ZNF667: variants seen among roughly 807,000 people sequenced by gnomAD.
ZNF667 encodes zinc finger protein 667.
A neutral mutation model predicts 31.8 loss-of-function variants in ZNF667; 13 were observed. That is an observed-to-expected ratio of 0.41 (90% CI 0.27 to 0.65). ZNF667 has a LOEUF of 0.65. Ranked by LOEUF, ZNF667 falls within the 30% of genes least tolerant of loss-of-function variation. The probability of loss-of-function intolerance (pLI) is 0.32; values close to 1 mark genes in which losing one functional copy is unlikely to be tolerated. For missense variants in ZNF667, 642 were observed against 725.6 expected, an observed-to-expected ratio of 0.88 and a Z score of 1.32; for synonymous variants, 228 against 247.1, an observed-to-expected ratio of 0.92 and a Z score of 0.73.
At chr19:56,448,152 C>T (rs968278164) in intron 6 of ZNF667, among the ~76,000 whole-genome samples, 3 of 152,036 alleles carry the variant, frequency 2.0e-5, no homozygotes, top group African/African-American at 4.8e-5. Flanking sequence ...AGCATGGCAA[C>T]AAGAGAGAAT....
In ZNF667 at chr19:56,462,416, C is replaced by G; in HGVS notation, c.-46G>C. 1 of 1,612,666 alleles carries G rather than the reference C, an allele frequency of 6.2e-7. No homozygotes were observed. The highest frequency in any genetic ancestry group is 8.5e-7 in the Non-Finnish European group (1 of 1,178,658). On this transcript the variant is annotated 5_prime_UTR_variant, in exon 4 of 7. Transcript: ENST00000504904. ...TCCACACTGAGAGATGGGCAGAGAG[C>G]TGGTAAGGCAGGGCTGTGGGGAGAA... is the stretch of plus-strand genomic sequence containing the variant.
chr19:56,448,041 A>G (rs530921528), intron 6 of ZNF667, among the ~76,000 whole-genome samples: 1 of 152,314 alleles, frequency 6.6e-6, no homozygotes, highest in African/African-American at 2.4e-5. Context: ...CAATCAAAGT[A>G]TCAAGTTTTA....
chr19:56,451,893 A>AAAC (rs2042834794), intron 6 of ZNF667, among the ~76,000 whole-genome samples: 5 of 148,878 alleles, frequency 3.4e-5, no homozygotes, highest in African/African-American at 1.0e-4. Flanking sequence ...AAAAAAAAAA[A>AAAC]AAAAAACTTT....
intron 3 of ZNF667, among the ~76,000 whole-genome samples, chr19:56,463,668 C>CA (rs1345817520): frequency 1.3e-5 from 2 of 152,050 alleles, no homozygotes; most frequent in Non-Finnish European, 2.9e-5. Flanking sequence ...GCTGGGACCA[C>CA]AGGCACCTGC....
chr19:56,441,767 T>G lies in ZNF667; in HGVS notation c.1228A>C (p.Lys410Gln), dbSNP rs1272890137. The change falls in exon 7 of 7, where the codon AAG becomes CAG. Residue 410 changes from lysine to glutamine, a missense_variant. Physicochemically the swap from Lys to Gln is moderately conservative, Grantham distance 53 (BLOSUM62 1). Transcript: ENST00000504904. The surrounding 1 kb of genome is among the most constrained non-coding windows in gnomAD (Gnocchi z 4.2). ...SLIQHQKVHT[K>Q]KKKLFECKEC... ...TTACACTCAAATAGTTTCTTTTTCT[T>G]TGTATGAACTTTCTGATGTTGAATA... 66 of 1,613,950 alleles carry G rather than the reference T, an allele frequency of 4.1e-5. No individual in the cohort carries two copies. The highest frequency in any genetic ancestry group is 5.5e-5 in the Non-Finnish European group (65 of 1,180,020).
Position 56,471,302 on chromosome 19 carries a change from T to C in ZNF667, c.-60+397A>G, listed in dbSNP as rs184574368. Among the ~76,000 whole-genome samples the C allele has an allele frequency of 1.9e-4, 29 of 152,332 alleles. No homozygotes were observed. In the East Asian group the frequency reaches 5.6e-3, roughly 29 times the overall value. Reference sequence around the variant, plus strand: ...GCAGAACCGTGGGCCAATTAAACTTTTCTTTAAAAATTACCAGTCTCAGGT... The same window carrying C: ...GCAGAACCGTGGGCCAATTAAACTTCTCTTTAAAAATTACCAGTCTCAGGT... On this transcript the variant is annotated intron_variant, in intron 3 of 6. Transcript: ENST00000504904.
intron 6 of ZNF667, among the ~76,000 whole-genome samples, chr19:56,456,831 T>C (rs1336277334): frequency 6.6e-6 from 1 of 152,254 alleles, no homozygotes; most frequent in African/African-American, 2.4e-5. Flanking sequence ...TGTTTTTGTC[T>C]TTTCCTTTTT....
intron 6 of ZNF667, among the ~76,000 whole-genome samples, chr19:56,453,875 C>T (rs1042080618): frequency 3.9e-5 from 6 of 152,114 alleles, no homozygotes; most frequent in Non-Finnish European, 8.8e-5. Flanking sequence ...TAAAAGGCAT[C>T]CAAGTTGGAA....
chr19:56,448,982 T>C (rs985943498), intron 6 of ZNF667, among the ~76,000 whole-genome samples: 16 of 152,142 alleles, frequency 1.1e-4, no homozygotes, highest in African/African-American at 3.6e-4. Context: ...ACTCCATTCA[T>C]TCAGGGAAAG....
chr19:56,468,655 T>C (rs1029837058), intron 3 of ZNF667: 1 of 152,254 alleles, frequency 6.6e-6, no homozygotes, highest in Non-Finnish European at 1.5e-5. Context: ...GACTGAGACT[T>C]GTCTCCGATA....
At chr19:56,455,607 G>T (rs2042914956) in intron 6 of ZNF667, among the ~76,000 whole-genome samples, 1 of 152,166 alleles carries the variant, frequency 6.6e-6, no homozygotes, top group African/African-American at 2.4e-5. Context: ...GTAGAAGGAT[G>T]GTTACCAGAG....
intron 3 of ZNF667, among the ~76,000 whole-genome samples, chr19:56,464,271 A>G (rs1243562968): frequency 6.6e-6 from 1 of 152,258 alleles, no homozygotes; most frequent in Non-Finnish European, 1.5e-5. Flanking sequence ...ATGCAGGAGG[A>G]TCACCTGAGC....
At chr19:56,450,126 T>C (rs1441830592) in intron 6 of ZNF667, among the ~76,000 whole-genome samples, 1 of 152,014 alleles carries the variant, frequency 6.6e-6, no homozygotes, top group Non-Finnish European at 1.5e-5. Context: ...AAGGAGGTTA[T>C]AGAACACCAA....
At chr19:56,463,209 C>G (rs1207883977) in intron 3 of ZNF667, among the ~76,000 whole-genome samples, 1 of 152,094 alleles carries the variant, frequency 6.6e-6, no homozygotes, top group Non-Finnish European at 1.5e-5. Flanking sequence ...CATCAGACAA[C>G]ATTTAACAAA....
At position 56,441,149 on chromosome 19, in the gene ZNF667, A is replaced by T; in HGVS notation, c.*13T>A. The T allele has an allele frequency of 1.9e-6, 3 of 1,584,130 alleles. No homozygotes were observed. Among genetic ancestry groups the T allele is most frequent in the Non-Finnish European group, 2.6e-6 (3 of 1,163,992 alleles). The stretch of plus-strand genomic sequence containing the variant: ...ATAGCCTCATTCGTTGATTTTATAG[A>T]TTTAAAACAACCTTAGGCTTTTTCT... On this transcript the variant is annotated 3_prime_UTR_variant, in exon 7 of 7. Transcript: ENST00000504904. The surrounding 1 kb of genome is among the most constrained non-coding windows in gnomAD (Gnocchi z 4.2).
At chr19:56,444,089 A>C (rs1007483021) in intron 6 of ZNF667, 1 of 395,806 alleles carries the variant, frequency 2.5e-6, no homozygotes, top group Non-Finnish European at 4.5e-6. Flanking sequence ...AATATGTTGG[A>C]TATATTAGGT....
At chr19:56,443,050 T>C (rs1025742070) in intron 6 of ZNF667, among the ~76,000 whole-genome samples, 1 of 152,128 alleles carries the variant, frequency 6.6e-6, no homozygotes, top group African/African-American at 2.4e-5. Context: ...TATTAGAGAA[T>C]GTGTCCAGAA....
intron 5 of ZNF667, among the ~76,000 whole-genome samples, chr19:56,459,700 C>CTA (rs2043004262): frequency 6.9e-6 from 1 of 145,328 alleles, no homozygotes. Context: ...TCCTTAAATT[C>CTA]TATCAAAAGA....
chr19:56,458,149 A>ACT lies in ZNF667; in HGVS notation c.253+4_253+5dup. On this transcript the variant is annotated splice_donor_region_variant and intron_variant, in intron 6 of 6. Coordinates refer to ENST00000504904, the MANE Select transcript of ZNF667 (RefSeq NM_001321356.2). ...GAGACATATGCCTTGGTTCTCTGTC[A>ACT]CTCACCAGGAGCCCGGCGTCTTCTT... The ACT allele has an allele frequency of 7.4e-6, 12 of 1,613,776 alleles. No homozygotes were observed. Among genetic ancestry groups the ACT allele is most frequent in the Non-Finnish European group, 1.0e-5 (12 of 1,179,686 alleles).
Sources: gnomAD v4.1 joint callset for allele counts (sites outside exome capture counted in the v4.1 genomes callset) on GRCh38, gnomAD v4.1.1 for gene constraint, Gnocchi (gnomAD v3.1) non-coding constraint, MANE v1.5 for transcripts, NCBI Gene and HGNC (gene_info 2026-07-23, HGNC 2026-07-21) for gene names.